The following ZFYVE9 variants were observed in gnomAD, a reference collection of about 807,000 sequenced individuals.
ZFYVE9 encodes zinc finger FYVE domain-containing protein 9.
Under a neutral mutation model 126.7 loss-of-function variants are expected in ZFYVE9, and 43 were observed. That is an observed-to-expected ratio of 0.34 (90% CI 0.27 to 0.44). The LOEUF is 0.44. Ranked by LOEUF, ZFYVE9 falls within the 20% of genes least tolerant of loss-of-function variation. The pLI is 1.00. For missense variants in ZFYVE9, 1,476 were observed against 1,697.0 expected (o/e 0.87, Z 2.29); for synonymous variants, 521 against 597.4 (o/e 0.87, Z 1.87).
intron 2 of ZFYVE9, among the ~76,000 whole-genome samples, chr1:52,219,386 T>C (rs961706816): frequency 6.6e-6 from 1 of 152,136 alleles, no homozygotes; most frequent in African/African-American, 2.4e-5. Context: ...TCCATGACTT[T>C]GCAATGGTTG....
chr1:52,191,119 T>G (rs917494339), intron 1 of ZFYVE9, among the ~76,000 whole-genome samples: 2 of 152,116 alleles, frequency 1.3e-5, no homozygotes, highest in African/African-American at 2.4e-5. Context: ...TTGTATTTTT[T>G]TGTAGAGTCA....
intron 5 of ZFYVE9, 108 bp from the exon 6 acceptor site, chr1:52,266,547 C>A: frequency 1.1e-6 from 1 of 907,024 alleles, no homozygotes; most frequent in Non-Finnish European, 1.6e-6. Flanking sequence ...GAGAGACATA[C>A]TATGAGTATT....
chr1:52,274,335 A>G, intron 7 of ZFYVE9, 129 bp from the exon 8 acceptor site: 1 of 1,180,116 alleles, frequency 8.5e-7, no homozygotes, highest in East Asian at 2.4e-5. Context: ...GTTAATGAAT[A>G]TTTTGTGCTA....
chr1:52,158,197 C>T (rs1384813384), intron 1 of ZFYVE9, among the ~76,000 whole-genome samples: 1 of 152,232 alleles, frequency 6.6e-6, no homozygotes, highest in African/African-American at 2.4e-5. Context: ...GTCTAATGTT[C>T]CTGCTTGCTT....
At position 52,336,359 on chromosome 1, in the gene ZFYVE9, G is replaced by GTTTTTT. The variant is rs772004330; in HGVS notation, c.3671-1410_3671-1405dup. On this transcript the variant is annotated intron_variant, in intron 15 of 18. Coordinates refer to ENST00000287727, the MANE Select transcript of ZFYVE9 (RefSeq NM_004799.4). ...AACAAATTGTTATGAAATCTAAGAGGTTTTTTTTGTTTTTTTTTTTTTTTT... is the reference window on the plus strand; with the variant it reads ...AACAAATTGTTATGAAATCTAAGAGGTTTTTTTTTTTTTTGTTTTTTTTTTTTTTTT... Among the ~76,000 whole-genome samples the GTTTTTT allele has an allele frequency of 4.3e-4, 41 of 95,006 alleles. 3 individuals carry two copies. Among genetic ancestry groups the GTTTTTT allele is most frequent in the Non-Finnish European group, 7.0e-4 (33 of 47,080 alleles). 62.3% of individuals were successfully genotyped at this position (95,006 alleles called of 152,430 possible).
chr1:52,276,992 G>A (rs1645754656), intron 8 of ZFYVE9, among the ~76,000 whole-genome samples: 1 of 152,198 alleles, frequency 6.6e-6, no homozygotes. Context: ...GTCCCAGATA[G>A]TTCAGCAGTG....
At chr1:52,248,206 A>C (rs963095692) in intron 4 of ZFYVE9, among the ~76,000 whole-genome samples, 2 of 152,166 alleles carry the variant, frequency 1.3e-5, no homozygotes, top group African/African-American at 4.8e-5. Context: ...TGCAGCCCTC[A>C]ATCTGAGGCC....
intron 4 of ZFYVE9, among the ~76,000 whole-genome samples, chr1:52,258,556 T>C (rs1645545725): frequency 6.6e-6 from 1 of 152,182 alleles, no homozygotes; most frequent in Non-Finnish European, 1.5e-5. Context: ...CTAACCTGGC[T>C]CATGGTAGAC....
intron 4 of ZFYVE9, chr1:52,251,926 GT>G: frequency 6.7e-6 from 1 of 149,300 alleles, no homozygotes. Context: ...TAGGTTTTGT[GT>G]TTTTAGAAGT....
Position 52,295,994 on chromosome 1 carries a change from T to G in ZFYVE9, c.3333+17T>G, listed in dbSNP as rs1645970603. 3.1e-6 allele frequency: 5 copies of G among 1,609,780 alleles called. No individual in the cohort carries two copies. Among genetic ancestry groups the G allele is most frequent in the Non-Finnish European group, 4.2e-6 (5 of 1,177,220 alleles). ...CTTCTTGCAGTAAGTTGGGAATTTT[T>G]TTTCCTTTGTCCTTACTGGAGTTTA... is the stretch of plus-strand genomic sequence containing the variant. On this transcript the variant is annotated intron_variant, in intron 12 of 18. Transcript: ENST00000287727.
In ZFYVE9 at chr1:52,333,044, C is replaced by T. The variant is rs1431992160; in HGVS notation, c.3589+126C>T. 4 of 1,254,650 alleles carry T rather than the reference C, an allele frequency of 3.2e-6. No individual in the cohort carries two copies. In the African/African-American group the frequency reaches 6.1e-5, roughly 19 times the overall value. 77.7% of individuals were successfully genotyped at this position (1,254,650 alleles called of 1,614,324 possible). ...ACCACAAACAAATTAATTAACCTTT[C>T]CAACCATATTCTTCAGGATTATGTT... On this transcript the variant is annotated intron_variant, in intron 14 of 18. Coordinates refer to ENST00000287727, the MANE Select transcript of ZFYVE9 (RefSeq NM_004799.4).
chr1:52,343,334 T>C lies in ZFYVE9; in HGVS notation c.3940-1434T>C, dbSNP rs575899567. ...GGTGGCAGGCTCCTGTAATCCTAGC[T>C]ACTTGGGAAGCTGAGGCAGGAGAAT... On this transcript the variant is annotated intron_variant, in intron 17 of 18. Coordinates refer to ENST00000287727, the MANE Select transcript of ZFYVE9 (RefSeq NM_004799.4). 3.9e-5 allele frequency among the ~76,000 whole-genome samples: 6 copies of C among 152,006 alleles called. No individual in the cohort carries two copies. The South Asian group carries it at 1.2e-3, about 32-fold the overall frequency.
At chr1:52,200,026 G>GTTT (rs35432772) in intron 1 of ZFYVE9, among the ~76,000 whole-genome samples, 7 of 145,554 alleles carry the variant, frequency 4.8e-5, no homozygotes, top group Admixed American at 1.4e-4. Flanking sequence ...TTTTGATCCA[G>GTTT]TTTTTTTTTT....
intron 3 of ZFYVE9, among the ~76,000 whole-genome samples, chr1:52,237,030 A>ATC (rs1645278993): frequency 6.6e-6 from 1 of 152,148 alleles, no homozygotes; most frequent in Admixed American, 6.6e-5. Context: ...GCAAATGGGT[A>ATC]TCTCTCTCAA....
intron 1 of ZFYVE9, among the ~76,000 whole-genome samples, chr1:52,147,715 C>G (rs1427722799): frequency 6.6e-6 from 1 of 152,090 alleles, no homozygotes; most frequent in Non-Finnish European, 1.5e-5. Context: ...TTTCATTTCT[C>G]TTGGGTATTT....
intron 1 of ZFYVE9, among the ~76,000 whole-genome samples, chr1:52,158,764 G>T (rs1644426967): frequency 6.6e-6 from 1 of 151,986 alleles, no homozygotes; most frequent in South Asian, 2.1e-4. Flanking sequence ...TTTCTAGGGA[G>T]CCTGGGCAAT....
intron 5 of ZFYVE9, among the ~76,000 whole-genome samples, chr1:52,265,541 T>C (rs915541357): frequency 3.6e-4 from 55 of 152,214 alleles, no homozygotes; most frequent in African/African-American, 1.2e-3. Flanking sequence ...TTAAAGGCGA[T>C]AGGTGATGTG....
In ZFYVE9 at chr1:52,216,364, T is replaced by G. The variant is rs1645072424; in HGVS notation, c.-142-5T>G. The stretch of plus-strand genomic sequence containing the variant: ...AGTGTAATGAGCAATGTGTTTTTCC[T>G]TTAGGATCAAACAGAGCATACTGAA... On this transcript the variant is annotated splice_region_variant and splice_polypyrimidine_tract_variant and intron_variant, in intron 1 of 18. Transcript: ENST00000287727. 5.0e-6 allele frequency: 2 copies of G among 398,346 alleles called. No individual in the cohort carries two copies. The highest frequency in any genetic ancestry group is 4.4e-5 in the Admixed American group (1 of 22,710). 24.7% of individuals were successfully genotyped at this position (398,346 alleles called of 1,614,324 possible).
intron 7 of ZFYVE9, among the ~76,000 whole-genome samples, chr1:52,271,202 G>A (rs1645688597): frequency 6.6e-6 from 1 of 152,132 alleles, no homozygotes. Flanking sequence ...AAAGTCTAGT[G>A]AGTGAATGTT....
Sources: gnomAD v4.1 joint callset for allele counts (sites outside exome capture counted in the v4.1 genomes callset) on GRCh38, gnomAD v4.1.1 for gene constraint, MANE v1.5 for transcripts, NCBI Gene and HGNC (gene_info 2026-07-23, HGNC 2026-07-21) for gene names.